FOXP1: variants seen among roughly 807,000 people sequenced by gnomAD.
The protein encoded by FOXP1 is forkhead box protein P1.
In FOXP1, 15 loss-of-function variants were observed where a neutral mutation model predicts 98.2. The ratio of observed to expected loss-of-function variants is 0.15; its 90% CI spans 0.10 to 0.24. The LOEUF (loss-of-function observed/expected upper bound fraction) is 0.24, where lower values mean the gene tolerates loss of function less well. Ranked by LOEUF, FOXP1 falls within the 10% of genes least tolerant of loss-of-function variation. The pLI is 1.00. For synonymous variants in FOXP1, 371 were observed against 314.5 expected (o/e 1.18, Z -1.90); for missense variants, 633 against 848.5 (o/e 0.75, Z 3.15).
chr3:70,978,739 A>C (rs547723624), intron 14 of FOXP1, among the ~76,000 whole-genome samples: 18 of 152,144 alleles, frequency 1.2e-4, no homozygotes, highest in Non-Finnish European at 2.2e-4. Context: ...TCTATCAATC[A>C]ATCAATCAGT....
intron 3 of FOXP1, among the ~76,000 whole-genome samples, chr3:71,459,840 T>C (rs992931015): frequency 5.3e-5 from 8 of 152,218 alleles, no homozygotes; most frequent in African/African-American, 1.2e-4. Context: ...TGCTGATTTG[T>C]TTCTTTTTTT....
chr3:71,350,114 A>G (rs2077681882), intron 4 of FOXP1, among the ~76,000 whole-genome samples: 1 of 152,216 alleles, frequency 6.6e-6, no homozygotes, highest in Admixed American at 6.5e-5. Context: ...CACCTGTACA[A>G]AAATGTTTCA....
intron 5 of FOXP1, among the ~76,000 whole-genome samples, chr3:71,274,230 T>C (rs1302151244): frequency 6.6e-6 from 1 of 152,214 alleles, no homozygotes; most frequent in South Asian, 2.1e-4. Flanking sequence ...CAGGGATTTA[T>C]CCATTTTAAC....
chr3:71,198,482 C>T, intron 5 of FOXP1, 90 bp from the exon 6 acceptor site: 2 of 1,191,742 alleles, frequency 1.7e-6, no homozygotes, highest in Non-Finnish European at 2.5e-6. Flanking sequence ...AGGAGAAGGG[C>T]CTTGGTTTAA....
intron 9 of FOXP1, among the ~76,000 whole-genome samples, chr3:71,049,632 G>GA (rs1205410669): frequency 2.7e-5 from 4 of 150,630 alleles, no homozygotes; most frequent in South Asian, 2.2e-4. Context: ...ATCAAAACAG[G>GA]AAAAAAAGGG....
intron 6 of FOXP1, among the ~76,000 whole-genome samples, chr3:71,176,506 T>C (rs2061944588): frequency 1.3e-5 from 2 of 152,124 alleles, no homozygotes; most frequent in Non-Finnish European, 2.9e-5. Flanking sequence ...CCTAATGCCT[T>C]AGCTTTATTG....
chr3:71,581,666 C>A lies in FOXP1; in HGVS notation c.-415G>T, dbSNP rs1403696294. ...CCCCGGCCCGCTCGCTCGCTCGCCG[C>A]GCGCTCTCTTCCTCTTACAAACTTT... On this transcript the variant is annotated 5_prime_UTR_variant, in exon 2 of 21. Transcript: ENST00000649528. 1 of 985,908 alleles carries A rather than the reference C, an allele frequency of 1.0e-6. No individual in the cohort carries two copies. The highest frequency in any genetic ancestry group is 1.2e-6 in the Non-Finnish European group (1 of 830,120). 61.1% of individuals were successfully genotyped at this position (985,908 alleles called of 1,614,324 possible). A position where few individuals can be genotyped will look rare whatever the true frequency, so the allele number is the denominator to read the frequency against.
rs141145838 is a variant in FOXP1 at position 71,232,501 on chromosome 3, GAAAT to G, written c.-11-34113_-11-34110del. Among the ~76,000 whole-genome samples the G allele has an allele frequency of 4.9e-3, 751 of 152,212 alleles. 7 individuals carry two copies. Among genetic ancestry groups the G allele is most frequent in the African/African-American group, 0.017 (725 of 41,536 alleles). On this transcript the variant is annotated intron_variant, in intron 5 of 20. Coordinates refer to ENST00000649528, the MANE Select transcript of FOXP1 (RefSeq NM_001349338.3). ...TCCATGGTAGTACACAAAAGCTACA[GAAAT>G]AAATAATGATGTCTTCTTTACGGCA...
intron 4 of FOXP1, among the ~76,000 whole-genome samples, chr3:71,310,623 T>C (rs978536077): frequency 2.6e-5 from 4 of 152,218 alleles, no homozygotes; most frequent in Admixed American, 1.3e-4. Flanking sequence ...TCCCTCTCCA[T>C]GTTCCGGGAT....
At chr3:71,130,681 C>T (rs1004340958) in intron 6 of FOXP1, 15 of 1,582,314 alleles carry the variant, frequency 9.5e-6, no homozygotes, top group Non-Finnish European at 1.3e-5. Flanking sequence ...CACACTGGAA[C>T]ATTGCCCTTT....
At chr3:71,542,150 A>G in intron 2 of FOXP1, 1 of 425,686 alleles carries the variant, frequency 2.3e-6, no homozygotes, top group Non-Finnish European at 4.8e-6. Context: ...AACAATGAAC[A>G]TTTTCCTCTG....
chr3:71,116,103 TA>T, intron 6 of FOXP1, among the ~76,000 whole-genome samples: 1 of 152,282 alleles, frequency 6.6e-6, no homozygotes, highest in South Asian at 2.1e-4. Context: ...GTATAGAACT[TA>T]AGTTTTCAAC....
intron 5 of FOXP1, among the ~76,000 whole-genome samples, chr3:71,235,569 CT>C (rs879360081): frequency 8.0e-5 from 12 of 149,520 alleles, no homozygotes; most frequent in African/African-American, 1.7e-4. Flanking sequence ...GAATGTTTCT[CT>C]TTTTTTTTTC....
At chr3:71,563,438 A>G (rs1394300650) in intron 2 of FOXP1, among the ~76,000 whole-genome samples, 1 of 152,170 alleles carries the variant, frequency 6.6e-6, no homozygotes, top group East Asian at 1.9e-4. Flanking sequence ...GAACAGAGTC[A>G]CCTTACCTAC....
intron 6 of FOXP1, among the ~76,000 whole-genome samples, chr3:71,137,453 G>C (rs2059873503): frequency 3.9e-5 from 6 of 152,180 alleles, no homozygotes; most frequent in African/African-American, 1.4e-4. Flanking sequence ...CAGTGAGATG[G>C]GTCCACCATT....
chr3:71,264,748 G>A (rs955401890), intron 5 of FOXP1, among the ~76,000 whole-genome samples: 8 of 152,120 alleles, frequency 5.3e-5, no homozygotes, highest in Non-Finnish European at 4.4e-5. Context: ...AAAGAATTAC[G>A]CGATTGATAA....
chr3:71,098,257 C>T (rs1440531757), intron 7 of FOXP1, among the ~76,000 whole-genome samples: 7 of 152,196 alleles, frequency 4.6e-5, no homozygotes, highest in Admixed American at 2.0e-4. Context: ...CTTCATTGAA[C>T]GTAATCTTGA....
At chr3:71,427,197 G>A (rs2084240874) in intron 3 of FOXP1, among the ~76,000 whole-genome samples, 1 of 151,758 alleles carries the variant, frequency 6.6e-6, no homozygotes, top group Non-Finnish European at 1.5e-5. Context: ...CAGCTGTTTG[G>A]GTCACCACCA....
chr3:70,975,585 C>T (rs1194530750), intron 17 of FOXP1, among the ~76,000 whole-genome samples: 1 of 152,210 alleles, frequency 6.6e-6, no homozygotes, highest in Non-Finnish European at 1.5e-5. Context: ...GCATTTATTT[C>T]AGGCGAAGGA....
Sources: allele counts gnomAD v4.1 joint callset (sites outside exome capture counted in the v4.1 genomes callset), GRCh38; gene constraint gnomAD v4.1.1; transcripts MANE v1.5; gene names NCBI Gene and HGNC (gene_info 2026-07-23, HGNC 2026-07-21).